The following TBL1XR1 variants were observed in gnomAD, a reference collection of about 807,000 sequenced individuals.
The protein encoded by TBL1XR1 is F-box-like/WD repeat-containing protein TBL1XR1.
TBL1XR1 carries 5 observed loss-of-function variants against 66.9 expected under a neutral mutation model. The observed-to-expected ratio is 0.07, with a 90% CI of 0.04 to 0.16. The LOEUF is 0.16. Among genes scored for constraint, TBL1XR1 ranks in the 10% least tolerant of loss-of-function variants. The pLI, the probability that TBL1XR1 is intolerant of heterozygous loss-of-function variation, is 1.00. For synonymous variants in TBL1XR1, 210 were observed against 206.0 expected, an observed-to-expected ratio of 1.02 and a Z score of -0.17; for missense variants, 238 against 623.2, an observed-to-expected ratio of 0.38 and a Z score of 6.58.
chr3:177,161,537 C>G (rs181555003), intron 1 of TBL1XR1, among the ~76,000 whole-genome samples: 2 of 152,146 alleles, frequency 1.3e-5, no homozygotes, highest in Non-Finnish European at 2.9e-5. Context: ...AATCCTAGCA[C>G]TTTGGGAGGC....
upstream of TBL1XR1, among the ~76,000 whole-genome samples, chr3:177,198,330 G>C (rs1737193498): frequency 6.6e-6 from 1 of 152,182 alleles, no homozygotes; most frequent in Non-Finnish European, 1.5e-5. Flanking sequence ...TGGTGGGTCT[G>C]TTTGAAAGGT....
intron 2 of TBL1XR1, among the ~76,000 whole-genome samples, chr3:177,096,185 A>C (rs1212783707): frequency 6.6e-6 from 1 of 152,164 alleles, no homozygotes; most frequent in South Asian, 2.1e-4. Flanking sequence ...GGTCATGGGA[A>C]AACCATACCA....
In TBL1XR1 at chr3:177,019,469, G is replaced by A. The variant is rs1712089188; in HGVS notation, c.*6029C>T. 2 of 152,198 alleles carry A rather than the reference G, an allele frequency of 1.3e-5. No homozygotes were observed. Among genetic ancestry groups the A allele is most frequent in the South Asian group, 4.1e-4 (2 of 4,820 alleles). The allele number at this position is 152,198 out of a possible 1,614,324, so 9.4% of individuals were successfully genotyped here. ...ACAAGTTAGGACAATTAAGCATTAAGATGACATTTAAGAAGCATGCAGAAA... is the reference window on the plus strand; with the variant it reads ...ACAAGTTAGGACAATTAAGCATTAAAATGACATTTAAGAAGCATGCAGAAA... On this transcript the variant is annotated 3_prime_UTR_variant, in exon 16 of 16. Coordinates refer to ENST00000457928, the MANE Select transcript of TBL1XR1 (RefSeq NM_024665.7).
intron 2 of TBL1XR1, among the ~76,000 whole-genome samples, chr3:177,081,720 T>C (rs1242956479): frequency 6.9e-6 from 1 of 144,426 alleles, no homozygotes; most frequent in East Asian, 2.0e-4. Context: ...CCAGCCTGAC[T>C]AGATAAGGCA....
intron 15 of TBL1XR1, 56 bp downstream of exon 15, chr3:177,026,317 C>T: frequency 7.5e-7 from 1 of 1,327,300 alleles, no homozygotes; most frequent in Non-Finnish European, 1.1e-6. Flanking sequence ...CAATAAGCTG[C>T]ATTCTGATGT....
rs1712643657 is a variant in TBL1XR1 at position 177,023,374 on chromosome 3, G to A, written c.*2124C>T. On this transcript the variant is annotated 3_prime_UTR_variant, in exon 16 of 16. Coordinates refer to ENST00000457928, the MANE Select transcript of TBL1XR1 (RefSeq NM_024665.7). ...ACAATAACAGAGGTCAACCACAGAT[G>A]TGGACCTCCAGCAATAAAAGCAGGA... The A allele has an allele frequency of 6.6e-6, 1 of 152,294 alleles. No individual in the cohort carries two copies. The highest frequency in any genetic ancestry group is 2.4e-5 in the African/African-American group (1 of 41,352). 9.4% of individuals were successfully genotyped at this position (152,294 alleles called of 1,614,324 possible). A position where few individuals can be genotyped will look rare whatever the true frequency, so the allele number is the denominator to read the frequency against.
intron 2 of TBL1XR1, among the ~76,000 whole-genome samples, chr3:177,090,501 G>A (rs1410461114): frequency 7.1e-6 from 1 of 141,770 alleles, no homozygotes; most frequent in Non-Finnish European, 1.5e-5. Flanking sequence ...TCAACACAGG[G>A]AGACACTGTC....
At chr3:177,192,918 C>T (rs150607294) in intron 1 of TBL1XR1, among the ~76,000 whole-genome samples, 1 of 152,146 alleles carries the variant, frequency 6.6e-6, no homozygotes, top group East Asian at 1.9e-4. Context: ...TTTGGGAGGC[C>T]GAGGCAGGCA....
At chr3:177,053,659 C>T (rs1349463870) in intron 4 of TBL1XR1, 114 bp downstream of exon 4, 4 of 1,066,452 alleles carry the variant, frequency 3.8e-6, no homozygotes, top group Non-Finnish European at 5.4e-6. Context: ...ACTGCCTGCA[C>T]TTTTGTTAAC....
At chr3:177,174,402 C>A (rs1032982577) in intron 1 of TBL1XR1, among the ~76,000 whole-genome samples, 3 of 97,008 alleles carry the variant, frequency 3.1e-5, no homozygotes, top group African/African-American at 1.2e-4. Flanking sequence ...GAGCGAGACT[C>A]CATCTCAAAA....
intron 2 of TBL1XR1, among the ~76,000 whole-genome samples, chr3:177,067,906 G>A (rs1437961953): frequency 4.6e-5 from 7 of 152,056 alleles, no homozygotes; most frequent in East Asian, 1.9e-4. Context: ...TCCCCTGCCC[G>A]CATGAGTACT....
chr3:177,026,102 T>C (rs1349109723), intron 15 of TBL1XR1: 1 of 443,362 alleles, frequency 2.3e-6, no homozygotes, highest in Non-Finnish European at 3.9e-6. Context: ...AGAATGTTCC[T>C]CTGGTATACC....
At position 177,143,750 on chromosome 3, in the gene TBL1XR1, G is replaced by A. The variant is rs552631919; in HGVS notation, c.-121-45209C>T. ...TAGGTTTCAATTCAGTGAGGGTACA[G>A]CTAATTATATAAGATGGGTCTCTGA... On this transcript the variant is annotated intron_variant, in intron 1 of 15. Transcript: ENST00000457928. 1.2e-4 allele frequency among the ~76,000 whole-genome samples: 19 copies of A among 152,328 alleles called. No homozygotes were observed. The South Asian group carries it at 3.3e-3, about 27-fold the overall frequency.
intron 1 of TBL1XR1, among the ~76,000 whole-genome samples, chr3:177,141,271 C>CTGCA (rs1295307187): frequency 6.6e-6 from 1 of 152,160 alleles, no homozygotes; most frequent in African/African-American, 2.4e-5. Context: ...GGAGATTCTG[C>CTGCA]TGCATGCATG....
intron 14 of TBL1XR1, among the ~76,000 whole-genome samples, chr3:177,029,606 G>A (rs1576967701): frequency 6.6e-6 from 1 of 152,230 alleles, no homozygotes; most frequent in East Asian, 1.9e-4. Context: ...AGGCGACATA[G>A]TGAGACTCTA....
intron 1 of TBL1XR1, among the ~76,000 whole-genome samples, chr3:177,178,337 A>T (rs1011393807): frequency 6.6e-6 from 1 of 152,328 alleles, no homozygotes; most frequent in Admixed American, 6.5e-5. Flanking sequence ...ACCAGATTTT[A>T]AAAATAAGTA....
At chr3:177,158,655 T>C (rs1196954319) in intron 1 of TBL1XR1, among the ~76,000 whole-genome samples, 3 of 152,132 alleles carry the variant, frequency 2.0e-5, no homozygotes, top group African/African-American at 7.2e-5. Context: ...CCAGGAGACA[T>C]TTCAGCAGCA....
chr3:177,139,408 G>A (rs760082538), intron 1 of TBL1XR1, among the ~76,000 whole-genome samples: 3 of 152,118 alleles, frequency 2.0e-5, no homozygotes, highest in Admixed American at 6.6e-5. Flanking sequence ...GCTGGCGCGC[G>A]CCTGTAGCTG....
chr3:177,037,474 G>A (rs1714957807), intron 12 of TBL1XR1: 1 of 151,588 alleles, frequency 6.6e-6, no homozygotes, highest in African/African-American at 2.4e-5. Flanking sequence ...TTAGCTGACT[G>A]AGAAAAGCAG....
Sources: gnomAD v4.1 joint callset for allele counts (sites outside exome capture counted in the v4.1 genomes callset) on GRCh38, gnomAD v4.1.1 for gene constraint, MANE v1.5 for transcripts, NCBI Gene and HGNC (gene_info 2026-07-23, HGNC 2026-07-21) for gene names.